The following FAM20C variants were observed in gnomAD, a reference collection of about 807,000 sequenced individuals.
The protein encoded by FAM20C is extracellular serine/threonine protein kinase FAM20C.
Under a neutral mutation model 51.5 loss-of-function variants are expected in FAM20C, and 40 were observed. The observed-to-expected ratio is 0.78, with a 90% CI of 0.60 to 1.01. FAM20C has a LOEUF of 1.01. Among genes scored for constraint, FAM20C ranks in the 50% least tolerant of loss-of-function variants. FAM20C has a pLI of 0.00. For synonymous variants in FAM20C, 406 were observed against 380.6 expected (o/e 1.07, Z -0.78); for missense variants, 861 against 844.7 (o/e 1.02, Z -0.24).
chr7:257,379 C>A (rs928321093), intron 8 of FAM20C: 8 of 443,814 alleles, frequency 1.8e-5, no homozygotes, highest in Non-Finnish European at 3.3e-5. Context: ...GTAGGAAGAG[C>A]AGGACCGTGC....
At position 195,588 on chromosome 7, in the gene FAM20C, T is replaced by C. The variant is rs1785823816; in HGVS notation, c.640T>C (p.Ser214Pro). ...HAGAEGAEFL[S>P]PGEAAVDSYP... ...GGGTGCTGAAGGTGCAGAATTCCTC[T>C]CCCCCGGGGAGGCGGCCGTGGACTC... The change falls in exon 2 of 10, where the codon TCC (serine) becomes CCC (proline). Residue 214 changes from serine (S) to proline (P), a missense_variant. Physicochemically the swap from Ser to Pro is moderately conservative, Grantham distance 74. Around this residue, in one of 3 missense-constraint regions of FAM20C, gnomAD observed 561 missense variants for 499.8 expected, o/e 1.12. Transcript: ENST00000313766. 6.3e-7 allele frequency: 1 copy of C among 1,593,466 alleles called. No homozygotes were observed. Among genetic ancestry groups the C allele is most frequent in the African/African-American group, 1.3e-5 (1 of 74,180 alleles).
intron 2 of FAM20C, among the ~76,000 whole-genome samples, chr7:200,998 C>T (rs533176288): frequency 2.2e-4 from 34 of 152,314 alleles, no homozygotes; most frequent in African/African-American, 8.2e-4. Context: ...GGTATATGAG[C>T]CTGGGTGTGG....
Position 260,208 on chromosome 7 carries a change from G to C in FAM20C, c.*228G>C. 1.9e-6 allele frequency: 1 copy of C among 535,996 alleles called. No individual in the cohort carries two copies. Among genetic ancestry groups the C allele is most frequent in the Admixed American group, 3.7e-5 (1 of 27,114 alleles). 33.2% of individuals were successfully genotyped at this position (535,996 alleles called of 1,614,324 possible). A position where few individuals can be genotyped will look rare whatever the true frequency, so the allele number is the denominator to read the frequency against. ...AGCGCTGTCTGTGCTCACGGACAGAGGCGGCCGGCGCCGGAGGCATTCCAT... is the reference window on the plus strand; with the variant it reads ...AGCGCTGTCTGTGCTCACGGACAGACGCGGCCGGCGCCGGAGGCATTCCAT... On this transcript the variant is annotated 3_prime_UTR_variant, in exon 10 of 10. Coordinates refer to ENST00000313766, the MANE Select transcript of FAM20C (RefSeq NM_020223.4).
chr7:205,925 G>A (rs1391387477), intron 2 of FAM20C, among the ~76,000 whole-genome samples: 2 of 151,986 alleles, frequency 1.3e-5, no homozygotes, highest in East Asian at 1.9e-4. Context: ...AGTTCTTCCC[G>A]TCTGAAGGGA....
chr7:257,460 C>T lies in FAM20C; in HGVS notation c.1445+374C>T, dbSNP rs146692001. 1,619 of 215,706 alleles carry T rather than the reference C, an allele frequency of 7.5e-3. 40 individuals are homozygous for T. Among genetic ancestry groups the T allele is most frequent in the East Asian group, 0.055 (456 of 8,290 alleles). 13.4% of individuals were successfully genotyped at this position (215,706 alleles called of 1,614,324 possible). A position where few individuals can be genotyped will look rare whatever the true frequency, so the allele number is the denominator to read the frequency against. Reference sequence around the variant, plus strand: ...GCGGGGGATAGGCGGCCTCTGCGGCCGCTGCTGGCCTGCCACGGGGGGTCT... The same window carrying T: ...GCGGGGGATAGGCGGCCTCTGCGGCTGCTGCTGGCCTGCCACGGGGGGTCT... On this transcript the variant is annotated intron_variant, in intron 8 of 9. Transcript: ENST00000313766.
Position 193,508 on chromosome 7 carries a change from G to A in FAM20C, c.309G>A (p.Ser103=). 1.3e-6 allele frequency: 2 copies of A among 1,503,080 alleles called. No individual in the cohort carries two copies. The highest frequency in any genetic ancestry group is 1.2e-5 in the South Asian group (1 of 80,002). 93.1% of individuals were successfully genotyped at this position (1,503,080 alleles called of 1,614,324 possible). The part of the protein sequence containing the change: ...DFSSDPSSNL[S]SHSLEKLPPA... ...GCTCCGACCCCTCCTCCAACCTCTC[G>A]TCCCACTCGCTGGAGAAACTGCCGC... is the stretch of plus-strand genomic sequence containing the variant. Residue 103 remains serine (S), a synonymous_variant, in exon 1 of 10, where the codon TCG becomes TCA. Transcript: ENST00000313766.
intron 2 of FAM20C, among the ~76,000 whole-genome samples, chr7:208,194 TC>T (rs1786528764): frequency 7.1e-6 from 1 of 141,142 alleles, no homozygotes; most frequent in African/African-American, 2.6e-5. Context: ...TCGGGGGGTG[TC>T]TGTGGGTGTG....
Position 258,717 on chromosome 7 carries a change from G to A in FAM20C, c.1505+12G>A. The stretch of plus-strand genomic sequence containing the variant: ...CAGCAGTGCTGCAGGTACAGCCCCT[G>A]CCGGAGCCGGCTCCAGCTCCACCCT... On this transcript the variant is annotated intron_variant, in intron 9 of 9. Coordinates refer to ENST00000313766, the MANE Select transcript of FAM20C (RefSeq NM_020223.4). The A allele has an allele frequency of 1.3e-6, 2 of 1,532,864 alleles. No individual in the cohort carries two copies. The highest frequency in any genetic ancestry group is 1.7e-6 in the Non-Finnish European group (2 of 1,144,246). The allele number at this position is 1,532,864 out of a possible 1,614,324, so 95.0% of individuals were successfully genotyped here.
At chr7:248,661 G>A (rs1183801430) in intron 5 of FAM20C, among the ~76,000 whole-genome samples, 2 of 141,340 alleles carry the variant, frequency 1.4e-5, no homozygotes, top group Admixed American at 7.0e-5. Context: ...AGCCTGGCAC[G>A]GGGGCCCACA....
chr7:194,018 T>TGTATAAGAGACA, intron 1 of FAM20C: 1 of 727,214 alleles, frequency 1.4e-6, no homozygotes, highest in South Asian at 3.2e-5. Flanking sequence ...CCGGGAGCTG[T>TGTATAAGAGACA]GCCCTGTGGC....
chr7:214,553 A>G (rs1786873791), intron 3 of FAM20C, among the ~76,000 whole-genome samples: 1 of 152,194 alleles, frequency 6.6e-6, no homozygotes, highest in African/African-American at 2.4e-5. Flanking sequence ...CGGCTTTAGG[A>G]AACACCACGT....
At position 193,780 on chromosome 7, in the gene FAM20C, C is replaced by T. The variant is rs776349784; in HGVS notation, c.581C>T (p.Pro194Leu). Residue 194 changes from proline to leucine, a missense_variant, in exon 1 of 10, where the codon CCC becomes CTC. Coordinates refer to ENST00000313766, the MANE Select transcript of FAM20C (RefSeq NM_020223.4). ...FNVNSDTRLS[P>L]KAAENPDWPH... ...GTGAACAGCGACACCAGGCTCAGCC[C>T]CAAAGCGGCGGAGAACCCGGACTGG... 3 of 1,553,494 alleles carry T rather than the reference C, an allele frequency of 1.9e-6. No homozygotes were observed. The highest frequency in any genetic ancestry group is 3.9e-5 in the Admixed American group (2 of 51,924).
At chr7:205,855 T>C (rs1479377498) in intron 2 of FAM20C, among the ~76,000 whole-genome samples, 1 of 152,016 alleles carries the variant, frequency 6.6e-6, no homozygotes, top group African/African-American at 2.4e-5. Context: ...AAGCCCGCTG[T>C]CCTCACGCTG....
intron 5 of FAM20C, 52 bp from the exon 6 acceptor site, chr7:255,797 T>G: frequency 6.5e-7 from 1 of 1,530,828 alleles, no homozygotes; most frequent in South Asian, 1.2e-5. Flanking sequence ...AGACCACAGG[T>G]GAGGACGCAG....
intron 2 of FAM20C, among the ~76,000 whole-genome samples, chr7:198,573 G>C (rs1785989315): frequency 6.6e-6 from 1 of 152,222 alleles, no homozygotes; most frequent in Admixed American, 6.5e-5. Flanking sequence ...TTAATTATGG[G>C]GTTCTGCCCT....
intron 3 of FAM20C, 61 bp downstream of exon 3, chr7:209,037 C>T (rs375085401): frequency 1.8e-5 from 27 of 1,513,576 alleles, no homozygotes; most frequent in African/African-American, 6.9e-5. Context: ...GAGCAGGCGC[C>T]GGGCTTCTGC....
At chr7:241,094 T>C (rs1319403773) in intron 3 of FAM20C, among the ~76,000 whole-genome samples, 1 of 151,974 alleles carries the variant, frequency 6.6e-6, no homozygotes, top group Non-Finnish European at 1.5e-5. Context: ...TGAATTGTCC[T>C]AAAGGGGTGG....
Position 206,855 on chromosome 7 carries a change from C to T in FAM20C, c.785-2043C>T, listed in dbSNP as rs1385187311. Among the ~76,000 whole-genome samples, 46 of 66,394 alleles carry T rather than the reference C, an allele frequency of 6.9e-4. 2 individuals carry two copies. Among genetic ancestry groups the T allele is most frequent in the African/African-American group, 3.9e-3 (45 of 11,626 alleles). The allele number at this position is 66,394 out of a possible 152,430, so 43.6% of individuals were successfully genotyped here. ...CCCCGCACACGTGTCCACTGTGAGG[C>T]GTCGGTCACGGTCCCCTCGGCCCCG... On this transcript the variant is annotated intron_variant, in intron 2 of 9. Coordinates refer to ENST00000313766, the MANE Select transcript of FAM20C (RefSeq NM_020223.4).
Position 193,556 on chromosome 7 carries a change from C to A in FAM20C, c.357C>A (p.Arg119=). ...KLPPAAEPAE[R]ALRGRDPGAL... Reference sequence around the variant, plus strand: ...CGCCCGCGGCCGAGCCGGCCGAGCGCGCCTTGCGGGGGCGGGATCCCGGCG... The same window carrying A: ...CGCCCGCGGCCGAGCCGGCCGAGCGAGCCTTGCGGGGGCGGGATCCCGGCG... Residue 119 remains arginine, a synonymous_variant, in exon 1 of 10, where the codon CGC becomes CGA. Transcript: ENST00000313766. 1 of 1,496,726 alleles carries A rather than the reference C, an allele frequency of 6.7e-7. No individual in the cohort carries two copies. The highest frequency in any genetic ancestry group is 1.3e-5 in the South Asian group (1 of 78,704). The allele number at this position is 1,496,726 out of a possible 1,614,324, so 92.7% of individuals were successfully genotyped here.
Sources: allele counts gnomAD v4.1 joint callset (sites outside exome capture counted in the v4.1 genomes callset), GRCh38; gene constraint gnomAD v4.1.1; regional missense constraint gnomAD v4.1.1; transcripts MANE v1.5; gene names NCBI Gene and HGNC (gene_info 2026-07-23, HGNC 2026-07-21).